ARHGAP15: variants seen among roughly 807,000 people sequenced by gnomAD.
The protein encoded by ARHGAP15 is rho GTPase-activating protein 15.
ARHGAP15 carries 51 observed loss-of-function variants against 63.7 expected under a neutral mutation model. The ratio of observed to expected loss-of-function variants is 0.80; its 90% CI spans 0.64 to 1.01. The LOEUF is 1.01. Ranked by LOEUF, ARHGAP15 falls within the 50% of genes least tolerant of loss-of-function variation. The pLI is 0.00. For missense variants in ARHGAP15, 560 were observed against 564.6 expected, an observed-to-expected ratio of 0.99 and a Z score of 0.08; for synonymous variants, 191 against 193.8, an observed-to-expected ratio of 0.99 and a Z score of 0.12.
At chr2:143,646,684 CAGTT>C (rs776348519) in intron 12 of ARHGAP15, among the ~76,000 whole-genome samples, 3 of 151,920 alleles carry the variant, frequency 2.0e-5, no homozygotes, top group South Asian at 2.1e-4. Context: ...CTGTATATGA[CAGTT>C]AGTATGTATT....
chr2:143,296,965 C>CT (rs921813246), intron 6 of ARHGAP15, among the ~76,000 whole-genome samples: 10 of 151,978 alleles, frequency 6.6e-5, no homozygotes, highest in South Asian at 2.1e-4. Context: ...CCAAATATAC[C>CT]TTTTTTTCCT....
chr2:143,508,914 G>GA (rs1693444138), intron 9 of ARHGAP15, among the ~76,000 whole-genome samples: 1 of 152,194 alleles, frequency 6.6e-6, no homozygotes, highest in Admixed American at 6.5e-5. Flanking sequence ...GGTTGAGAGT[G>GA]AAACTATGAA....
At chr2:143,323,915 A>C (rs868492947) in intron 6 of ARHGAP15, among the ~76,000 whole-genome samples, 12 of 149,696 alleles carry the variant, frequency 8.0e-5, no homozygotes, top group African/African-American at 2.2e-4. Context: ...AAAAAAAAAA[A>C]AAAAAAAACA....
At chr2:143,482,230 T>TTCAA (rs1692112457) in intron 8 of ARHGAP15, among the ~76,000 whole-genome samples, 3 of 152,090 alleles carry the variant, frequency 2.0e-5, no homozygotes, top group Non-Finnish European at 4.4e-5. Flanking sequence ...TGGCTCTATT[T>TTCAA]ATTTTCAAAT....
At chr2:143,537,529 T>G (rs1181806491) in intron 10 of ARHGAP15, among the ~76,000 whole-genome samples, 1 of 152,252 alleles carries the variant, frequency 6.6e-6, no homozygotes, top group Non-Finnish European at 1.5e-5. Flanking sequence ...ATGTAAGTCT[T>G]TAATACATCT....
chr2:143,334,614 A>AT (rs1377295861), intron 6 of ARHGAP15, among the ~76,000 whole-genome samples: 1 of 152,164 alleles, frequency 6.6e-6, no homozygotes, highest in Middle Eastern at 3.4e-3. Flanking sequence ...AATCAATGTG[A>AT]TTTTTTTCCT....
At chr2:143,260,013 G>A (rs1217491052) in intron 6 of ARHGAP15, among the ~76,000 whole-genome samples, 1 of 152,014 alleles carries the variant, frequency 6.6e-6, no homozygotes, top group African/African-American at 2.4e-5. Flanking sequence ...TAAGTTATCA[G>A]TCACTGAATT....
intron 6 of ARHGAP15, among the ~76,000 whole-genome samples, chr2:143,420,216 G>C (rs565456924): frequency 5.7e-4 from 87 of 152,252 alleles, no homozygotes; most frequent in African/African-American, 2.1e-3. Context: ...AATGATAATG[G>C]GCTAGGTGGA....
chr2:143,622,953 A>T (rs1464770658), intron 11 of ARHGAP15, among the ~76,000 whole-genome samples: 1 of 152,160 alleles, frequency 6.6e-6, no homozygotes, highest in Admixed American at 6.6e-5. Context: ...TAAAACTGAC[A>T]TCCAAGGGAC....
intron 6 of ARHGAP15, among the ~76,000 whole-genome samples, chr2:143,426,459 G>A (rs1689140617): frequency 6.6e-6 from 1 of 152,126 alleles, no homozygotes; most frequent in Non-Finnish European, 1.5e-5. Context: ...TTCTGTAAGG[G>A]AACTGCGGTG....
intron 6 of ARHGAP15, among the ~76,000 whole-genome samples, chr2:143,429,475 G>T (rs1169731367): frequency 6.6e-6 from 1 of 151,934 alleles, no homozygotes; most frequent in African/African-American, 2.4e-5. Context: ...ATGTACTGGA[G>T]GTCTGTCATG....
chr2:143,568,255 T>G (rs1188011204), intron 11 of ARHGAP15, among the ~76,000 whole-genome samples: 1 of 151,976 alleles, frequency 6.6e-6, no homozygotes, highest in Non-Finnish European at 1.5e-5. Context: ...GGGAGAAAAT[T>G]TTTGCAATCT....
intron 6 of ARHGAP15, among the ~76,000 whole-genome samples, chr2:143,412,470 AATTGTTATT>A (rs930365855): frequency 3.3e-5 from 5 of 152,128 alleles, no homozygotes; most frequent in African/African-American, 1.2e-4. Flanking sequence ...ATCAACCTCA[AATTGTTATT>A]GAGGATGAGT....
chr2:143,538,656 G>A (rs1694893121), intron 10 of ARHGAP15, among the ~76,000 whole-genome samples: 3 of 152,286 alleles, frequency 2.0e-5, no homozygotes, highest in Non-Finnish European at 4.4e-5. Flanking sequence ...TTTTGTCTTT[G>A]ATTCTCTGTT....
chr2:143,138,997 G>A (rs372532808), intron 1 of ARHGAP15, among the ~76,000 whole-genome samples: 9 of 151,838 alleles, frequency 5.9e-5, no homozygotes, highest in South Asian at 2.1e-4. Flanking sequence ...TGGATGCCAC[G>A]GCTCTAAACC....
rs765945989 is a variant in ARHGAP15 at position 143,445,153 on chromosome 2, A to ACTTTTTTTTTTTTTTTTT, written c.703+8111_703+8112insCTTTTTTTTTTTTTTTTT. ...TTGAAGTCAAAGATTAAGAACAATT[A>ACTTTTTTTTTTTTTTTTT]TTTTTTTTTTTTTTTTTTTTTTTTT... On this transcript the variant is annotated intron_variant, in intron 8 of 13. Transcript: ENST00000295095. 1.3e-4 allele frequency among the ~76,000 whole-genome samples: 10 copies of ACTTTTTTTTTTTTTTTTT among 74,458 alleles called. 1 individual carries two copies. The highest frequency in any genetic ancestry group is 4.3e-4 in the African/African-American group (8 of 18,502). 48.8% of individuals were successfully genotyped at this position (74,458 alleles called of 152,430 possible).
chr2:143,341,596 C>A (rs980584010), intron 6 of ARHGAP15, among the ~76,000 whole-genome samples: 8 of 152,188 alleles, frequency 5.3e-5, no homozygotes, highest in Admixed American at 5.2e-4. Context: ...TTGAAAGCAA[C>A]AGAACAAGGA....
intron 6 of ARHGAP15, among the ~76,000 whole-genome samples, chr2:143,282,190 G>A (rs184407686): frequency 5.3e-4 from 80 of 151,894 alleles, no homozygotes; most frequent in African/African-American, 9.4e-4. Context: ...ATCTGCCCTC[G>A]TATGGAAGTT....
intron 6 of ARHGAP15, among the ~76,000 whole-genome samples, chr2:143,428,050 G>A (rs918240021): frequency 1.1e-4 from 16 of 152,036 alleles, no homozygotes; most frequent in Non-Finnish European, 1.9e-4. Flanking sequence ...CATAGTGGGG[G>A]GAATGGAAAG....
Sources: gnomAD v4.1 joint callset for allele counts (sites outside exome capture counted in the v4.1 genomes callset) on GRCh38, gnomAD v4.1.1 for gene constraint, MANE v1.5 for transcripts, NCBI Gene and HGNC (gene_info 2026-07-23, HGNC 2026-07-21) for gene names.